CHLSN: variants seen among roughly 807,000 people sequenced by gnomAD.
The protein encoded by CHLSN is cholesin.
chr7:1,125,549 A>C, the CHLSN span, among the ~76,000 whole-genome samples: 686 of 152,308 alleles, frequency 4.5e-3, 2 homozygotes, highest in African/African-American at 0.016. Context: ...CTTTAAAATA[A>C]ATCCTGAAAA....
At chr7:992,470 C>T in the CHLSN span, among the ~76,000 whole-genome samples, 1 of 152,366 alleles carries the variant, frequency 6.6e-6, no homozygotes, top group Non-Finnish European at 1.5e-5. Context: ...GCTTTACCCA[C>T]GGAGACGCCG....
chr7:1,066,045 G>A, the CHLSN span, among the ~76,000 whole-genome samples: 1 of 152,330 alleles, frequency 6.6e-6, no homozygotes, highest in African/African-American at 2.4e-5. Flanking sequence ...CGGCCGGCAC[G>A]GATGCCTCTC....
the CHLSN span, among the ~76,000 whole-genome samples, chr7:1,048,809 C>T: frequency 6.6e-6 from 1 of 152,158 alleles, no homozygotes; most frequent in East Asian, 1.9e-4. Context: ...GACATTTTCA[C>T]GAGTTATGAA....
the CHLSN span, among the ~76,000 whole-genome samples, chr7:1,125,947 G>A: frequency 0.61 from 92,497 of 152,152 alleles, 29,818 homozygotes; most frequent in African/African-American, 0.83. Flanking sequence ...ATGCAGAAGA[G>A]AAATTTTAAC....
At chr7:1,106,317 C>T in the CHLSN span, among the ~76,000 whole-genome samples, 1 of 152,310 alleles carries the variant, frequency 6.6e-6, no homozygotes, top group Admixed American at 6.5e-5. Context: ...CATCAGAGGG[C>T]CATCCAGACC....
chr7:984,858 G>A, the CHLSN span: 5 of 1,475,198 alleles, frequency 3.4e-6, no homozygotes, highest in African/African-American at 4.2e-5. Context: ...CAGTCTCGCT[G>A]CCCTGTCAGC....
chr7:985,056 G>A, the CHLSN span: 2 of 1,612,514 alleles, frequency 1.2e-6, no homozygotes, highest in South Asian at 2.2e-5. Context: ...ACAAGATTCT[G>A]CAGGAGCTGA....
At chr7:1,094,170 G>C in the CHLSN span, among the ~76,000 whole-genome samples, 3 of 152,222 alleles carry the variant, frequency 2.0e-5, no homozygotes, top group Non-Finnish European at 4.4e-5. Flanking sequence ...AGCGCTCCTG[G>C]AGCAGCCGGC....
chr7:1,105,922 TGA>T, the CHLSN span, among the ~76,000 whole-genome samples: 1 of 152,236 alleles, frequency 6.6e-6, no homozygotes, highest in East Asian at 1.9e-4. Flanking sequence ...AAATCTATGC[TGA>T]GAGTTCGGCC....
the CHLSN span, among the ~76,000 whole-genome samples, chr7:1,020,745 T>A: frequency 3.9e-5 from 6 of 152,354 alleles, no homozygotes; most frequent in East Asian, 9.7e-4. Context: ...AGCCCATCAC[T>A]GCCGTCTGCT....
At chr7:1,057,822 G>T in the CHLSN span, 1 of 777,376 alleles carries the variant, frequency 1.3e-6, no homozygotes, top group South Asian at 1.3e-5. Flanking sequence ...CGAAGTCCAC[G>T]TGGCACTGCA....
the CHLSN span, among the ~76,000 whole-genome samples, chr7:1,115,869 C>G: frequency 3.5e-5 from 4 of 112,866 alleles, no homozygotes; most frequent in Non-Finnish European, 5.6e-5. Context: ...GATGACATCA[C>G]TACAGCTCTA....
At chr7:1,069,966 A>C in the CHLSN span, among the ~76,000 whole-genome samples, 3 of 92,890 alleles carry the variant, frequency 3.2e-5, no homozygotes, top group African/African-American at 9.7e-5. Flanking sequence ...CCGGCTGCCC[A>C]TCGTCTGAGA....
the CHLSN span, among the ~76,000 whole-genome samples, chr7:1,118,332 C>T: frequency 6.6e-6 from 1 of 152,188 alleles, no homozygotes; most frequent in South Asian, 2.1e-4. Context: ...TTTTCGCTTA[C>T]TTAAAAAACC....
chr7:1,125,305 C>T, the CHLSN span, among the ~76,000 whole-genome samples: 53 of 152,340 alleles, frequency 3.5e-4, no homozygotes, highest in African/African-American at 1.1e-3. Context: ...ACGTGGGCTC[C>T]CCCTTTCCAC....
At chr7:987,663 G>C in the CHLSN span, 1,359 of 927,818 alleles carry the variant, frequency 1.5e-3, 1 homozygote, top group Non-Finnish European at 1.9e-3. Context: ...AGGCAATAAA[G>C]GGCGTCCAGC....
chr7:1,121,617 G>A, the CHLSN span, among the ~76,000 whole-genome samples: 4 of 152,178 alleles, frequency 2.6e-5, no homozygotes, highest in African/African-American at 7.2e-5. Context: ...GCTCCCTTCC[G>A]CTGACCACCA....
chr7:1,104,293 G>A, the CHLSN span, among the ~76,000 whole-genome samples: 4 of 152,222 alleles, frequency 2.6e-5, no homozygotes, highest in African/African-American at 4.8e-5. Context: ...GCAGTGGCCC[G>A]GGAGGCTGAG....
chr7:1,099,235 C>T, the CHLSN span, among the ~76,000 whole-genome samples: 3 of 150,914 alleles, frequency 2.0e-5, no homozygotes, highest in South Asian at 2.1e-4. Flanking sequence ...TCCGGAGCCT[C>T]GCTGTCGCGT....
Sources: gnomAD v4.1 joint callset for allele counts (sites outside exome capture counted in the v4.1 genomes callset) on GRCh38, gnomAD v4.1.1 for gene constraint, MANE v1.5 for transcripts, NCBI Gene and HGNC (gene_info 2026-07-23, HGNC 2026-07-21) for gene names.